Variants in PLEKHM3 observed in about 807,000 individuals in gnomAD.
The protein encoded by PLEKHM3 is pleckstrin homology domain containing M3.
Under a neutral mutation model 81.8 loss-of-function variants are expected in PLEKHM3, and 45 were observed. The ratio of observed to expected loss-of-function variants is 0.55; its 90% CI spans 0.43 to 0.71. The LOEUF (loss-of-function observed/expected upper bound fraction) is 0.71. Ranked by LOEUF, PLEKHM3 falls within the 30% of genes least tolerant of loss-of-function variation. The pLI is 0.00. For synonymous variants in PLEKHM3, 352 were observed against 356.4 expected (o/e 0.99, Z 0.14); for missense variants, 788 against 924.3 (o/e 0.85, Z 1.91).
At chr2:207,973,269 G>A (rs1691187231) in intron 3 of PLEKHM3, among the ~76,000 whole-genome samples, 1 of 152,226 alleles carries the variant, frequency 6.6e-6, no homozygotes, top group Non-Finnish European at 1.5e-5. Context: ...GTGTTTGTGA[G>A]AAACACAGAT....
chr2:207,995,490 C>G (rs1692090538), intron 2 of PLEKHM3, among the ~76,000 whole-genome samples: 2 of 152,250 alleles, frequency 1.3e-5, no homozygotes, highest in East Asian at 3.9e-4. Flanking sequence ...GGGCACAGCC[C>G]CAGCTTAGTG....
At chr2:207,910,903 T>C (rs890984985) in intron 5 of PLEKHM3, among the ~76,000 whole-genome samples, 3 of 151,918 alleles carry the variant, frequency 2.0e-5, no homozygotes, top group Non-Finnish European at 2.9e-5. Context: ...ATTGAGAACA[T>C]TGGGAATAAG....
chr2:207,829,380 G>T (rs532466947), intron 7 of PLEKHM3, among the ~76,000 whole-genome samples: 2 of 152,226 alleles, frequency 1.3e-5, no homozygotes, highest in East Asian at 3.9e-4. Flanking sequence ...GGGCTCAAGT[G>T]ATCCTCCCAC....
intron 5 of PLEKHM3, among the ~76,000 whole-genome samples, chr2:207,923,905 A>ATATATATATATTTTT (rs1396762429): frequency 3.5e-5 from 1 of 28,338 alleles, no homozygotes; most frequent in Non-Finnish European, 6.4e-5. Context: ...ATATATATAT[A>ATATATATATATTTTT]TTTTTTTTTT....
intron 7 of PLEKHM3, among the ~76,000 whole-genome samples, chr2:207,842,023 C>T (rs1170143517): frequency 6.6e-6 from 1 of 152,154 alleles, no homozygotes; most frequent in Non-Finnish European, 1.5e-5. Flanking sequence ...CTGCAAGCTC[C>T]GCCTCCCGGG....
At chr2:207,837,429 C>T (rs2092325276) in intron 7 of PLEKHM3, among the ~76,000 whole-genome samples, 1 of 151,836 alleles carries the variant, frequency 6.6e-6, no homozygotes, top group African/African-American at 2.4e-5. Flanking sequence ...GGTGAAACCC[C>T]GTGTCTACTA....
chr2:207,879,772 C>T (rs78987579), intron 6 of PLEKHM3, among the ~76,000 whole-genome samples: 2,284 of 152,230 alleles, frequency 0.015, 63 homozygotes, highest in African/African-American at 0.052. Context: ...ATTCTGTGGG[C>T]TGCCAGAAAG....
At chr2:207,865,803 GAT>G (rs71036961) in intron 6 of PLEKHM3, among the ~76,000 whole-genome samples, 10 of 29,408 alleles carry the variant, frequency 3.4e-4, no homozygotes, top group Non-Finnish European at 4.2e-4. Context: ...AAAAAAAAAA[GAT>G]ATATATATAT....
chr2:207,869,580 A>C (rs148624299), intron 6 of PLEKHM3, among the ~76,000 whole-genome samples: 305 of 152,334 alleles, frequency 2.0e-3, no homozygotes, highest in Non-Finnish European at 2.9e-3. Context: ...TATTCAAAGA[A>C]TACACATTTT....
intron 3 of PLEKHM3, among the ~76,000 whole-genome samples, chr2:207,963,927 C>T (rs1008401923): frequency 4.5e-4 from 68 of 152,256 alleles, no homozygotes; most frequent in Non-Finnish European, 2.9e-4. Flanking sequence ...CTAAGAACAT[C>T]CTGGCTGGGC....
rs181379574 is a variant in PLEKHM3 at position 207,946,518 on chromosome 2, C to G, written c.1547-6G>C. 2 of 1,609,248 alleles carry G rather than the reference C, an allele frequency of 1.2e-6. No individual in the cohort carries two copies. The highest frequency in any genetic ancestry group is 2.2e-5 in the East Asian group (1 of 44,850). On this transcript the variant is annotated splice_polypyrimidine_tract_variant and splice_region_variant and intron_variant, in intron 3 of 7. Transcript: ENST00000427836. ...ACCTATGGATCGCTGGCAGCCTGTT[C>G]AAGGAAAAAGGAAGAGTCTATGATT...
intron 6 of PLEKHM3, among the ~76,000 whole-genome samples, chr2:207,893,914 G>A (rs1466283185): frequency 6.6e-6 from 1 of 152,060 alleles, no homozygotes; most frequent in South Asian, 2.1e-4. Flanking sequence ...TCAGGAGTTC[G>A]AGACCAGCCT....
At chr2:207,934,127 C>T (rs1204018825) in intron 4 of PLEKHM3, among the ~76,000 whole-genome samples, 2 of 152,072 alleles carry the variant, frequency 1.3e-5, no homozygotes, top group Non-Finnish European at 2.9e-5. Context: ...GAACAAAAGC[C>T]AAAGATATTC....
In PLEKHM3 at chr2:207,976,789, T is replaced by A; in HGVS notation, c.1408A>T (p.Arg470Trp). The stretch of plus-strand genomic sequence containing the variant: ...CCCATTTGATCCTTGGGTTTGTTCC[T>A]CAGTGTGACTTGCAGGTTTTGCTCT... Reference protein sequence around the residue: ...SSEQNLQVTLRNKPKDQMGGH... With the variant: ...SSEQNLQVTLWNKPKDQMGGH... Residue 470 changes from arginine (R) to tryptophan (W), a missense_variant, in exon 3 of 8, where the codon AGG (arginine) becomes TGG (tryptophan). Physicochemically the swap from Arg to Trp is moderately radical, Grantham distance 101 (BLOSUM62 -3). Coordinates refer to ENST00000427836, the MANE Select transcript of PLEKHM3 (RefSeq NM_001080475.3). The surrounding 1 kb of genome is among the most constrained non-coding windows in gnomAD (Gnocchi z 4.1). 1 of 1,614,248 alleles carries A rather than the reference T, an allele frequency of 6.2e-7. No individual in the cohort carries two copies. Among genetic ancestry groups the A allele is most frequent in the Non-Finnish European group, 8.5e-7 (1 of 1,180,042 alleles).
intron 3 of PLEKHM3, among the ~76,000 whole-genome samples, chr2:207,956,773 T>C (rs1690529489): frequency 6.9e-6 from 1 of 145,736 alleles, no homozygotes; most frequent in Non-Finnish European, 1.5e-5. Context: ...CTTGCTATGT[T>C]GTGCAAGGCT....
chr2:207,905,397 G>T (rs1688569129), intron 6 of PLEKHM3, among the ~76,000 whole-genome samples: 1 of 152,218 alleles, frequency 6.6e-6, no homozygotes, highest in Non-Finnish European at 1.5e-5. Flanking sequence ...GACGCCATAA[G>T]GCTGGTGGTT....
intron 3 of PLEKHM3, among the ~76,000 whole-genome samples, chr2:207,951,380 G>A (rs78487309): frequency 2.2e-4 from 33 of 152,260 alleles, no homozygotes; most frequent in East Asian, 2.1e-3. Context: ...TTTCAGCAAT[G>A]TTTCTAAATT....
intron 2 of PLEKHM3, among the ~76,000 whole-genome samples, chr2:207,989,053 C>T (rs933606807): frequency 1.3e-5 from 2 of 152,204 alleles, no homozygotes; most frequent in African/African-American, 4.8e-5. Context: ...CTCCATCACA[C>T]CTCTTGCTTT....
intron 6 of PLEKHM3, among the ~76,000 whole-genome samples, chr2:207,883,842 T>C (rs1418244999): frequency 6.6e-6 from 1 of 152,188 alleles, no homozygotes; most frequent in Non-Finnish European, 1.5e-5. Flanking sequence ...AAAAGAATTA[T>C]ACACTATGAC....
Sources: gnomAD v4.1 joint callset for allele counts (sites outside exome capture counted in the v4.1 genomes callset) on GRCh38, gnomAD v4.1.1 for gene constraint, Gnocchi (gnomAD v3.1) non-coding constraint, MANE v1.5 for transcripts, NCBI Gene and HGNC (gene_info 2026-07-23, HGNC 2026-07-21) for gene names.